CELF2: variants seen among roughly 807,000 people sequenced by gnomAD.
CELF2 encodes the protein CUG triplet repeat RNA-binding protein 2.
CELF2 carries 8 observed loss-of-function variants against 62.6 expected under a neutral mutation model. The observed-to-expected ratio is 0.13, with a 90% CI of 0.07 to 0.23. The LOEUF is 0.23. Among genes scored for constraint, CELF2 ranks in the 10% least tolerant of loss-of-function variants. The pLI, the probability that CELF2 is intolerant of heterozygous loss-of-function variation, is 1.00. For synonymous variants in CELF2, 258 were observed against 250.0 expected (o/e 1.03, Z -0.30); for missense variants, 333 against 671.0 (o/e 0.50, Z 5.56).
chr10:10,515,069 G>T, the CELF2 span, among the ~76,000 whole-genome samples: 1 of 152,188 alleles, frequency 6.6e-6, no homozygotes, highest in Admixed American at 6.5e-5. Flanking sequence ...ATTTGGATTT[G>T]AAAGGAGATC....
chr10:10,727,932 G>A, the CELF2 span, among the ~76,000 whole-genome samples: 2 of 152,026 alleles, frequency 1.3e-5, no homozygotes, highest in African/African-American at 4.8e-5. Flanking sequence ...CGGAGCTGCT[G>A]GGGACACAAA....
chr10:10,902,913 AGAGG>A (rs2063045351), intron 1 of CELF2, among the ~76,000 whole-genome samples: 1 of 114,168 alleles, frequency 8.8e-6, no homozygotes, highest in African/African-American at 3.4e-5. Flanking sequence ...GGGAGGGAGA[AGAGG>A]GAGGGAGGGA....
At chr10:11,062,299 A>C (rs1267751283) in intron 1 of CELF2, among the ~76,000 whole-genome samples, 1 of 152,242 alleles carries the variant, frequency 6.6e-6, no homozygotes, top group Non-Finnish European at 1.5e-5. Context: ...GAGAGGAAGT[A>C]AGTTCCACAT....
chr10:10,808,694 A>G (rs1179860772), intron 1 of CELF2, among the ~76,000 whole-genome samples: 2 of 152,216 alleles, frequency 1.3e-5, no homozygotes, highest in East Asian at 1.9e-4. Flanking sequence ...GTGAGAAGAC[A>G]TGGTTCTCTT....
chr10:10,883,772 T>C (rs371288055), intron 1 of CELF2, among the ~76,000 whole-genome samples: 41 of 152,280 alleles, frequency 2.7e-4, no homozygotes, highest in African/African-American at 9.1e-4. Flanking sequence ...TTTGACCATA[T>C]TGACCCACAA....
At chr10:11,148,256 G>C (rs1271088874) in intron 1 of CELF2, among the ~76,000 whole-genome samples, 2 of 152,154 alleles carry the variant, frequency 1.3e-5, no homozygotes, top group African/African-American at 4.8e-5. Flanking sequence ...TGGTATTTTG[G>C]GCAACAGTGA....
In CELF2 at chr10:10,800,525, C is replaced by A. The variant is rs370435975; in HGVS notation, c.53+1708C>A. ...TACCACCATACCTGGCTAATTTTTT[C>A]TATTTTTAGTAGAGACAGAGTTTCA... is the stretch of plus-strand genomic sequence containing the variant. On this transcript the variant is annotated intron_variant, in intron 1 of 13. Coordinates refer to the CELF2 transcript ENST00000636488. 6.6e-5 allele frequency among the ~76,000 whole-genome samples: 10 copies of A among 152,160 alleles called. No individual in the cohort carries two copies. The East Asian group carries it at 1.7e-3, about 26-fold the overall frequency.
the CELF2 span, among the ~76,000 whole-genome samples, chr10:10,692,322 T>C: frequency 6.6e-6 from 1 of 151,730 alleles, no homozygotes. Flanking sequence ...TAGTTGTAGA[T>C]ATGTGGCATT....
At chr10:11,140,892 C>A (rs2061243846) in intron 1 of CELF2, among the ~76,000 whole-genome samples, 1 of 152,152 alleles carries the variant, frequency 6.6e-6, no homozygotes. Flanking sequence ...TGGAGTGCGC[C>A]TGTATTCCCA....
At chr10:10,689,193 A>C in the CELF2 span, among the ~76,000 whole-genome samples, 2 of 152,142 alleles carry the variant, frequency 1.3e-5, no homozygotes, top group African/African-American at 4.8e-5. Context: ...ATTTAACAGG[A>C]AGCATTACCA....
chr10:11,124,660 C>T (rs1373029290), intron 1 of CELF2, among the ~76,000 whole-genome samples: 1 of 152,194 alleles, frequency 6.6e-6, no homozygotes, highest in African/African-American at 2.4e-5. Context: ...CTGTTGAGTA[C>T]CTACCATGTG....
At chr10:10,922,767 A>C (rs1308385899) in intron 2 of CELF2, 3 of 152,204 alleles carry the variant, frequency 2.0e-5, no homozygotes, top group Non-Finnish European at 1.5e-5. Flanking sequence ...TTCTAACTGC[A>C]ATTTGCAATC....
the CELF2 span, among the ~76,000 whole-genome samples, chr10:10,577,554 C>T: frequency 6.6e-6 from 1 of 151,106 alleles, no homozygotes; most frequent in Non-Finnish European, 1.5e-5. Flanking sequence ...GTTCCCCTTC[C>T]TGTGTCCACG....
chr10:10,751,011 A>G, the CELF2 span, among the ~76,000 whole-genome samples: 2 of 152,214 alleles, frequency 1.3e-5, no homozygotes, highest in Non-Finnish European at 2.9e-5. Flanking sequence ...TCTCAAAATA[A>G]TTGTTTGAGG....
At chr10:10,793,331 G>A in the CELF2 span, among the ~76,000 whole-genome samples, 1 of 152,176 alleles carries the variant, frequency 6.6e-6, no homozygotes, top group African/African-American at 2.4e-5. Flanking sequence ...ATCTTTGAAA[G>A]TTTGTCTCTA....
chr10:11,196,334 A>G (rs1397091703), intron 2 of CELF2, among the ~76,000 whole-genome samples: 1 of 152,212 alleles, frequency 6.6e-6, no homozygotes, highest in Non-Finnish European at 1.5e-5. Flanking sequence ...CTGTTCAGTA[A>G]TAACTTACAT....
intron 1 of CELF2, among the ~76,000 whole-genome samples, chr10:10,879,020 G>A (rs571767469): frequency 9.2e-5 from 14 of 152,166 alleles, no homozygotes; most frequent in Non-Finnish European, 1.8e-4. Context: ...TGTCTTTGCC[G>A]GGATGCACAA....
chr10:10,548,757 G>A, the CELF2 span, among the ~76,000 whole-genome samples: 11 of 151,718 alleles, frequency 7.3e-5, no homozygotes, highest in Non-Finnish European at 1.0e-4. Context: ...ATTATTTTTC[G>A]TAAGTATTTT....
the CELF2 span, chr10:10,776,521 C>T: frequency 0.85 from 130,855 of 154,050 alleles, 56,109 homozygotes; most frequent in East Asian, 0.97. Context: ...TAATATTTGT[C>T]AAGATCTAAG....
Sources: allele counts gnomAD v4.1 joint callset (sites outside exome capture counted in the v4.1 genomes callset), GRCh38; gene constraint gnomAD v4.1.1; transcripts MANE v1.5; gene names NCBI Gene and HGNC (gene_info 2026-07-23, HGNC 2026-07-21).